The following NT5DC4 variants were observed in gnomAD, a reference collection of about 807,000 sequenced individuals.
NT5DC4 encodes 5'-nucleotidase domain containing 4, also known as 5'-nucleotidase domain-containing protein 4.
A neutral mutation model predicts 26.6 loss-of-function variants in NT5DC4; 44 were observed. That is an observed-to-expected ratio of 1.65 (90% CI 1.30 to 2.13). The LOEUF (loss-of-function observed/expected upper bound fraction) is 2.13. Ranked by LOEUF, NT5DC4 falls within the 30% of genes most tolerant of loss-of-function variation. The pLI, the probability that NT5DC4 is intolerant of heterozygous loss-of-function variation, is 0.00. For missense variants in NT5DC4, 399 were observed against 228.1 expected (o/e 1.75, Z -4.83); for synonymous variants, 157 against 86.7 (o/e 1.81, Z -4.51).
At chr2:112,720,679 G>T (rs929083254), upstream of NT5DC4, among the ~76,000 whole-genome samples, 1 of 152,206 alleles carries the variant, frequency 6.6e-6, no homozygotes, top group Admixed American at 6.5e-5. Context: ...TCAGAATTGT[G>T]CATAAAGCAA....
At chr2:112,735,490 C>G (rs944313725) in intron 16 of NT5DC4, among the ~76,000 whole-genome samples, 1 of 119,036 alleles carries the variant, frequency 8.4e-6, no homozygotes, top group African/African-American at 2.6e-5. Flanking sequence ...CCTCCCCCCC[C>G]TTTTTTTCTT....
intron 16 of NT5DC4, among the ~76,000 whole-genome samples, chr2:112,735,038 A>ATTTTTT (rs70965024): frequency 2.6e-4 from 25 of 94,488 alleles, no homozygotes; most frequent in Non-Finnish European, 4.4e-4. Context: ...AGGCAAGAAC[A>ATTTTTT]TTTTTTTTTT....
At chr2:112,737,891 T>C (rs1273902101) in intron 16 of NT5DC4, 1 of 152,232 alleles carries the variant, frequency 6.6e-6, no homozygotes, top group Non-Finnish European at 1.5e-5. Context: ...AATTTAATGT[T>C]GTTTTAAGAT....
At chr2:112,725,276 C>T (rs1333927548) in intron 12 of NT5DC4, 36 bp downstream of exon 12, 1 of 697,284 alleles carries the variant, frequency 1.4e-6, no homozygotes, top group African/African-American at 1.8e-5. Context: ...ACTCCTTGGG[C>T]ACCCTCCTTC....
chr2:112,742,270 G>T, downstream of NT5DC4: 2 of 668,078 alleles, frequency 3.0e-6, no homozygotes, highest in South Asian at 3.4e-5. Flanking sequence ...TAAAGGTTAT[G>T]ACCACTGACA....
At chr2:112,741,859 C>T (rs1287413902), downstream of NT5DC4, among the ~76,000 whole-genome samples, 3 of 150,612 alleles carry the variant, frequency 2.0e-5, no homozygotes, top group Admixed American at 6.6e-5. Flanking sequence ...TTTCTGGGTT[C>T]AAACGATTCT....
In NT5DC4 at chr2:112,726,737, A is replaced by T. The variant is rs1325120807; in HGVS notation, c.1265A>T (p.Gln422Leu). The change falls in exon 15 of 17, where the codon CAG becomes CTG. Residue 422 changes from glutamine (Q) to leucine (L), a missense_variant and splice_region_variant. Transcript: ENST00000688554. ...QVINFTKREI[Q>L]MPHESVVEQE... is the part of the protein sequence containing the mutation. ...ATCAACTTCACCAAGAGAGAGATCCAGGTGGGAGCTGGGTGGCGAGGGAAG... is the reference window on the plus strand; with the variant it reads ...ATCAACTTCACCAAGAGAGAGATCCTGGTGGGAGCTGGGTGGCGAGGGAAG... The T allele has an allele frequency of 1.4e-6, 1 of 717,500 alleles. No homozygotes were observed. The highest frequency in any genetic ancestry group is 2.6e-6 in the Non-Finnish European group (1 of 385,090). 44.4% of individuals were successfully genotyped at this position (717,500 alleles called of 1,614,324 possible).
At chr2:112,742,719 G>GT, downstream of NT5DC4, 1 of 1,602,832 alleles carries the variant, frequency 6.2e-7, no homozygotes, top group East Asian at 2.2e-5. Flanking sequence ...CTGTGGTTCT[G>GT]TTTGAGTCTT....
downstream of NT5DC4, among the ~76,000 whole-genome samples, chr2:112,741,952 T>G (rs1457184023): frequency 2.0e-5 from 3 of 147,868 alleles, no homozygotes; most frequent in Non-Finnish European, 3.0e-5. Flanking sequence ...TTTTTTTTTT[T>G]TTTTTTTTTT....
upstream of NT5DC4, among the ~76,000 whole-genome samples, chr2:112,720,435 A>G (rs1420811872): frequency 6.6e-6 from 1 of 152,112 alleles, no homozygotes; most frequent in Non-Finnish European, 1.5e-5. Flanking sequence ...CACCGCTCCA[A>G]ATGGAAGTCA....
Position 112,723,186 on chromosome 2 carries a change from GT to G in NT5DC4, c.621+13del. On this transcript the variant is annotated intron_variant, in intron 7 of 16. Transcript: ENST00000688554. ...ACATCCACCAGTCGGTGAGTGAGTGGTCCAGAACCCCCGGACCCCTGACCTG... is the reference window on the plus strand; with the variant it reads ...ACATCCACCAGTCGGTGAGTGAGTGGCCAGAACCCCCGGACCCCTGACCTG... 1.4e-6 allele frequency: 1 copy of G among 717,236 alleles called. No individual in the cohort carries two copies. The highest frequency in any genetic ancestry group is 2.6e-6 in the Non-Finnish European group (1 of 385,058). 44.4% of individuals were successfully genotyped at this position (717,236 alleles called of 1,614,324 possible). A position where few individuals can be genotyped will look rare whatever the true frequency, so the allele number is the denominator to read the frequency against.
chr2:112,722,686 G>A (rs1451686752), intron 5 of NT5DC4, 28 bp from the exon 6 acceptor site: 1 of 717,600 alleles, frequency 1.4e-6, no homozygotes, highest in East Asian at 2.7e-5. Context: ...TCCCTGGGCT[G>A]ACAACTGACC....
chr2:112,723,350 T>A, intron 7 of NT5DC4, 68 bp from the exon 8 acceptor site: 1 of 397,052 alleles, frequency 2.5e-6, no homozygotes, highest in South Asian at 3.0e-5. Flanking sequence ...GACATGTGGG[T>A]GGGTACACAT....
chr2:112,722,307 C>T (rs2104705048), intron 4 of NT5DC4, 29 bp downstream of exon 4: 2 of 716,768 alleles, frequency 2.8e-6, no homozygotes, highest in East Asian at 5.4e-5. Flanking sequence ...GGGAGAGTGG[C>T]AGGCCAGGAG....
intron 15 of NT5DC4, among the ~76,000 whole-genome samples, chr2:112,727,638 C>G (rs1454889407): frequency 6.6e-6 from 1 of 152,224 alleles, no homozygotes; most frequent in East Asian, 1.9e-4. Flanking sequence ...AGTGTGCAGC[C>G]TGTGGGTCTA....
intron 9 of NT5DC4, 117 bp from the exon 10 acceptor site, chr2:112,723,977 G>A (rs761634265): frequency 6.8e-5 from 48 of 704,812 alleles, no homozygotes; most frequent in Non-Finnish European, 1.1e-4. Context: ...AGAAGAATGA[G>A]CAACTTTCTC....
Position 112,728,559 on chromosome 2 carries a change from C to A in NT5DC4, c.1267-1068C>A, listed in dbSNP as rs200270236. Among the ~76,000 whole-genome samples, 109 of 152,292 alleles carry A rather than the reference C, an allele frequency of 7.2e-4. 1 individual carries two copies. In the East Asian group the frequency reaches 0.02, roughly 28 times the overall value. ...TCCATTTGATAAGACGTAGAGCTTG[C>A]AGTTTAGGATCTGAACTTGAAGCTA... On this transcript the variant is annotated intron_variant, in intron 15 of 16. Coordinates refer to ENST00000688554, the MANE Select transcript of NT5DC4 (RefSeq NM_001393655.1).
At chr2:112,729,784 C>T in intron 16 of NT5DC4, 80 bp downstream of exon 16, 1 of 707,956 alleles carries the variant, frequency 1.4e-6, no homozygotes, top group Non-Finnish European at 2.6e-6. Context: ...GTTGTATCAA[C>T]CCCAGGACGC....
chr2:112,726,396 C>A, intron 14 of NT5DC4, 107 bp downstream of exon 14: 1 of 698,138 alleles, frequency 1.4e-6, no homozygotes, highest in East Asian at 2.7e-5. Flanking sequence ...GTTGTCAGAA[C>A]ATCAAGATCT....
Sources: allele counts gnomAD v4.1 joint callset (sites outside exome capture counted in the v4.1 genomes callset), GRCh38; gene constraint gnomAD v4.1.1; transcripts MANE v1.5; gene names NCBI Gene and HGNC (gene_info 2026-07-23, HGNC 2026-07-21).